DEPTOR: variants seen among roughly 807,000 people sequenced by gnomAD.
DEPTOR encodes DEP domain containing MTOR interacting protein.
DEPTOR carries 41 observed loss-of-function variants against 41.6 expected under a neutral mutation model. The observed-to-expected ratio is 0.98, with a 90% confidence interval of 0.77 to 1.28. DEPTOR has a LOEUF of 1.28. DEPTOR is among the 50% of genes most tolerant of loss of function. DEPTOR has a pLI of 0.00. For missense variants in DEPTOR, 514 were observed against 527.9 expected, an observed-to-expected ratio of 0.97 and a Z score of 0.26; for synonymous variants, 195 against 192.3, an observed-to-expected ratio of 1.01 and a Z score of -0.12.
intron 4 of DEPTOR, among the ~76,000 whole-genome samples, chr8:119,972,165 C>A (rs145575734): frequency 6.6e-6 from 1 of 152,316 alleles, no homozygotes; most frequent in East Asian, 1.9e-4. Flanking sequence ...TCTTATGGCC[C>A]TCAAATGCTA....
intron 3 of DEPTOR, among the ~76,000 whole-genome samples, chr8:119,936,057 C>T (rs1828109100): frequency 1.5e-5 from 2 of 131,140 alleles, no homozygotes; most frequent in Admixed American, 8.4e-5. Flanking sequence ...GCAGGAGTTT[C>T]TATCTCCAGC....
intron 6 of DEPTOR, among the ~76,000 whole-genome samples, chr8:120,003,928 T>C (rs1012906266): frequency 2.6e-5 from 4 of 152,168 alleles, no homozygotes; most frequent in Non-Finnish European, 5.9e-5. Flanking sequence ...GGATGTGTGG[T>C]CCATCACTAC....
chr8:119,975,676 C>A (rs1586640534), intron 4 of DEPTOR, among the ~76,000 whole-genome samples: 2 of 151,932 alleles, frequency 1.3e-5, no homozygotes, highest in East Asian at 3.9e-4. Context: ...GCTGGGTAAG[C>A]CAAGACAGCA....
At position 119,988,066 on chromosome 8, in the gene DEPTOR, GA is replaced by G. The variant is rs368125521; in HGVS notation, c.605-13452del. On this transcript the variant is annotated intron_variant, in intron 4 of 8. Coordinates refer to ENST00000286234, the MANE Select transcript of DEPTOR (RefSeq NM_022783.4). Reference sequence around the variant, plus strand: ...GGTGTTCCAGGCACCACTGGGGTATGAAAAAAACCTCCTGCGGCTAGCTCAG... The same window carrying G: ...GGTGTTCCAGGCACCACTGGGGTATGAAAAAACCTCCTGCGGCTAGCTCAG... Among the ~76,000 whole-genome samples the G allele has an allele frequency of 3.2e-3, 482 of 152,240 alleles. 1 individual carries two copies. Among genetic ancestry groups the G allele is most frequent in the African/African-American group, 0.011 (454 of 41,544 alleles).
intron 3 of DEPTOR, among the ~76,000 whole-genome samples, chr8:119,931,135 C>T (rs1828038203): frequency 1.3e-5 from 2 of 152,044 alleles, no homozygotes; most frequent in African/African-American, 4.8e-5. Flanking sequence ...CGCTTGAAAC[C>T]AGGAGGCAGA....
At chr8:119,885,288 T>C (rs1311630220) in intron 1 of DEPTOR, among the ~76,000 whole-genome samples, 1 of 152,228 alleles carries the variant, frequency 6.6e-6, no homozygotes, top group African/African-American at 2.4e-5. Context: ...GTGTTTTACA[T>C]TGAAGTGTGA....
chr8:119,992,554 A>G (rs1460669358), intron 4 of DEPTOR, among the ~76,000 whole-genome samples: 1 of 152,040 alleles, frequency 6.6e-6, no homozygotes, highest in Non-Finnish European at 1.5e-5. Context: ...TTCAGTTCAC[A>G]TGCTTCATGA....
chr8:119,982,014 T>TAAA lies in DEPTOR; in HGVS notation c.604+16628_604+16630dup, dbSNP rs35334859. On this transcript the variant is annotated intron_variant, in intron 4 of 8. Coordinates refer to ENST00000286234, the MANE Select transcript of DEPTOR (RefSeq NM_022783.4). ...AGTCGACAGTGTGAGATTCCATCTC[T>TAAA]AAAAAAAAAAAAAAAAAAAAAAAAA... 5.9e-3 allele frequency among the ~76,000 whole-genome samples: 388 copies of TAAA among 65,636 alleles called. 14 individuals carry two copies. The highest frequency in any genetic ancestry group is 9.5e-3 in the African/African-American group (147 of 15,508). 43.1% of individuals were successfully genotyped at this position (65,636 alleles called of 152,430 possible).
At chr8:119,954,040 A>G (rs761348531) in intron 3 of DEPTOR, among the ~76,000 whole-genome samples, 2 of 96,136 alleles carry the variant, frequency 2.1e-5, no homozygotes, top group African/African-American at 6.4e-5. Context: ...TCCTGACCTC[A>G]GGTGATCCAC....
chr8:119,876,190 C>T (rs138578480), intron 1 of DEPTOR, among the ~76,000 whole-genome samples: 4 of 152,316 alleles, frequency 2.6e-5, no homozygotes, highest in East Asian at 1.9e-4. Context: ...ACTTTTCTAG[C>T]GCCTCTCTGC....
intron 1 of DEPTOR, among the ~76,000 whole-genome samples, chr8:119,913,621 A>C (rs1827774215): frequency 6.6e-6 from 1 of 152,138 alleles, no homozygotes; most frequent in Non-Finnish European, 1.5e-5. Flanking sequence ...CCTCAGATAA[A>C]AGGTTTTTAT....
intron 3 of DEPTOR, among the ~76,000 whole-genome samples, chr8:119,959,949 G>T (rs1357537383): frequency 6.6e-6 from 1 of 152,034 alleles, no homozygotes; most frequent in African/African-American, 2.4e-5. Flanking sequence ...ACATTCATGG[G>T]CCAGGCGCAG....
At chr8:120,008,935 A>G in intron 7 of DEPTOR, 94 bp from the exon 8 acceptor site, 1 of 1,115,764 alleles carries the variant, frequency 9.0e-7, no homozygotes, top group Non-Finnish European at 1.3e-6. Flanking sequence ...GTCACAGTGT[A>G]TACTTAATCC....
chr8:119,926,065 T>C (rs569960718), intron 1 of DEPTOR, among the ~76,000 whole-genome samples: 2 of 152,366 alleles, frequency 1.3e-5, no homozygotes, highest in African/African-American at 4.8e-5. Flanking sequence ...AGGGTTTCTT[T>C]TTCTTTGTCT....
At chr8:119,970,810 C>G (rs1457783805) in intron 4 of DEPTOR, among the ~76,000 whole-genome samples, 1 of 152,118 alleles carries the variant, frequency 6.6e-6, no homozygotes, top group Non-Finnish European at 1.5e-5. Flanking sequence ...GCACAGTTTC[C>G]TATGTTCTTC....
At chr8:119,918,556 G>A (rs1347324786) in intron 1 of DEPTOR, among the ~76,000 whole-genome samples, 3 of 152,052 alleles carry the variant, frequency 2.0e-5, no homozygotes, top group Non-Finnish European at 4.4e-5. Flanking sequence ...CGCCTCCTGG[G>A]TTCAAGTGAT....
chr8:119,885,701 T>C (rs1827355636), intron 1 of DEPTOR, among the ~76,000 whole-genome samples: 1 of 152,224 alleles, frequency 6.6e-6, no homozygotes, highest in African/African-American at 2.4e-5. Context: ...TCCTCTAACA[T>C]TGTATTATGA....
Position 120,001,508 on chromosome 8 carries a change from T to G in DEPTOR, c.605-17T>G, listed in dbSNP as rs1039081797. The stretch of plus-strand genomic sequence containing the variant: ...TGCCAGATAGTCCTCATTGGTTGTT[T>G]TTTTTTTTCTCCCCAGTGTCCAACA... On this transcript the variant is annotated splice_polypyrimidine_tract_variant and intron_variant, in intron 4 of 8. Transcript: ENST00000286234. The G allele has an allele frequency of 3.0e-5, 48 of 1,584,096 alleles. No homozygotes were observed. Among genetic ancestry groups the G allele is most frequent in the Non-Finnish European group, 3.7e-5 (43 of 1,165,406 alleles).
At chr8:119,894,554 G>A (rs1346973437) in intron 1 of DEPTOR, among the ~76,000 whole-genome samples, 2 of 151,864 alleles carry the variant, frequency 1.3e-5, no homozygotes, top group African/African-American at 4.8e-5. Context: ...CCGCCACTAT[G>A]CCCGGCTAAT....
Sources: gnomAD v4.1 joint callset for allele counts (sites outside exome capture counted in the v4.1 genomes callset) on GRCh38, gnomAD v4.1.1 for gene constraint, MANE v1.5 for transcripts, NCBI Gene and HGNC (gene_info 2026-07-23, HGNC 2026-07-21) for gene names.